The following PRUNE2 variants were observed in gnomAD, a reference collection of about 807,000 sequenced individuals.
PRUNE2 encodes the protein protein prune homolog 2.
A neutral mutation model predicts 252.0 loss-of-function variants in PRUNE2; 164 were observed. That is an observed-to-expected ratio of 0.65 (90% CI 0.57 to 0.74). PRUNE2 has a LOEUF of 0.74. PRUNE2 is among the 30% of genes least tolerant of loss of function. PRUNE2 has a pLI of 0.00. For synonymous variants in PRUNE2, 1,292 were observed against 1,350.2 expected, an observed-to-expected ratio of 0.96 and a Z score of 0.94; for missense variants, 3,495 against 3,711.0, an observed-to-expected ratio of 0.94 and a Z score of 1.51.
chr9:76,891,884 A>G (rs1234681866), intron 1 of PRUNE2, among the ~76,000 whole-genome samples: 5 of 152,194 alleles, frequency 3.3e-5, no homozygotes, highest in Admixed American at 6.5e-5. Flanking sequence ...CATAAATATA[A>G]TAACATGAAC....
intron 9 of PRUNE2, among the ~76,000 whole-genome samples, chr9:76,679,479 A>C (rs1318607033): frequency 6.6e-6 from 1 of 152,192 alleles, no homozygotes; most frequent in East Asian, 1.9e-4. Context: ...TAATCAAAAC[A>C]GTATAGTACT....
intron 4 of PRUNE2, among the ~76,000 whole-genome samples, chr9:76,833,291 T>C (rs1340414011): frequency 6.6e-6 from 1 of 151,976 alleles, no homozygotes; most frequent in East Asian, 1.9e-4. Flanking sequence ...AAATTAACAT[T>C]CAAAAAGCAA....
intron 6 of PRUNE2, among the ~76,000 whole-genome samples, chr9:76,762,345 T>C (rs2051814153): frequency 6.6e-6 from 1 of 152,208 alleles, no homozygotes; most frequent in African/African-American, 2.4e-5. Context: ...CAAAGTCATT[T>C]CCGGATAACC....
chr9:76,703,375 C>T lies in PRUNE2; in HGVS notation c.8238G>A (p.Glu2746=), dbSNP rs1311403970. Residue 2746 remains glutamate (E), a synonymous_variant, in exon 9 of 19, where the codon GAG becomes GAA. Coordinates refer to ENST00000376718, the MANE Select transcript of PRUNE2 (RefSeq NM_015225.3). ...ATATCCTGGTTCCGAGCTCAAGGAA[C>T]TCTGTCTCCTCCTCCATTTCCGTGT... ...IPDTEMEEET[E]FLELGTRISR... is the part of the protein sequence containing the mutation. 3 of 1,608,038 alleles carry T rather than the reference C, an allele frequency of 1.9e-6. No homozygotes were observed. Among genetic ancestry groups the T allele is most frequent in the African/African-American group, 2.7e-5 (2 of 74,788 alleles).
Position 76,709,630 on chromosome 9 carries a change from G to A in PRUNE2, c.2644C>T (p.Pro882Ser), listed in dbSNP as rs1481573737. Residue 882 changes from proline to serine, a missense_variant, in exon 8 of 19, where the codon CCC becomes TCC. Transcript: ENST00000376718. ...SRDHIFAPGN[P>S]SSDLDHTWTN... ...CATGTGTGATCCAGATCAGAACTGGGATTTCCAGGTGCAAAGATGTGATCC... is the reference window on the plus strand; with the variant it reads ...CATGTGTGATCCAGATCAGAACTGGAATTTCCAGGTGCAAAGATGTGATCC... 3 of 1,613,878 alleles carry A rather than the reference G, an allele frequency of 1.9e-6. No individual in the cohort carries two copies. The highest frequency in any genetic ancestry group is 2.7e-5 in the African/African-American group (2 of 74,914).
intron 9 of PRUNE2, among the ~76,000 whole-genome samples, chr9:76,683,207 C>T (rs967432271): frequency 2.0e-4 from 30 of 152,160 alleles, no homozygotes; most frequent in African/African-American, 7.2e-4. Context: ...ATTGGTTCCA[C>T]GAATAAGCAC....
chr9:76,623,364 G>A (rs979147456), intron 17 of PRUNE2, among the ~76,000 whole-genome samples: 13 of 150,380 alleles, frequency 8.6e-5, no homozygotes, highest in East Asian at 5.9e-4. Flanking sequence ...GCATGATCTC[G>A]GCTCACTGCA....
intron 6 of PRUNE2, among the ~76,000 whole-genome samples, chr9:76,795,879 G>T (rs2131473034): frequency 6.6e-6 from 1 of 152,220 alleles, no homozygotes; most frequent in African/African-American, 2.4e-5. Context: ...CTTCTGCCTG[G>T]ACATTGACTT....
At chr9:76,886,822 T>C (rs1199952740) in intron 1 of PRUNE2, among the ~76,000 whole-genome samples, 2 of 152,218 alleles carry the variant, frequency 1.3e-5, no homozygotes, top group Admixed American at 1.3e-4. Context: ...TTATTTATCT[T>C]AATAAATACA....
intron 2 of PRUNE2, among the ~76,000 whole-genome samples, chr9:76,851,665 G>A (rs1001936982): frequency 1.3e-5 from 2 of 152,080 alleles, no homozygotes; most frequent in African/African-American, 2.4e-5. Flanking sequence ...AATTCAGAAC[G>A]TCAGTCAGTA....
At chr9:76,782,155 A>C (rs2054484273) in intron 6 of PRUNE2, among the ~76,000 whole-genome samples, 1 of 152,138 alleles carries the variant, frequency 6.6e-6, no homozygotes. Flanking sequence ...TGGAGCTTGC[A>C]GTGAGCCAAG....
At chr9:76,679,885 C>A (rs555175201) in intron 9 of PRUNE2, among the ~76,000 whole-genome samples, 2 of 152,214 alleles carry the variant, frequency 1.3e-5, no homozygotes, top group South Asian at 4.1e-4. Context: ...GCAATAAAAA[C>A]ATAAGACCCA....
rs145440894 is a variant in PRUNE2, at chr9:76,781,235, C to A, written c.756+42397G>T. Among the ~76,000 whole-genome samples the A allele has an allele frequency of 3.3e-5, 5 of 152,228 alleles. No homozygotes were observed. The East Asian group carries it at 7.7e-4, about 24-fold the overall frequency. Reference sequence around the variant, plus strand: ...ATTAACTCTTTGCCACATCCCTATCCTTTTTATAATCCTCCAGTGGCTTCC... The same window carrying A: ...ATTAACTCTTTGCCACATCCCTATCATTTTTATAATCCTCCAGTGGCTTCC... On this transcript the variant is annotated intron_variant, in intron 6 of 18. Transcript: ENST00000376718.
chr9:76,884,456 G>T (rs2061974124), intron 1 of PRUNE2, among the ~76,000 whole-genome samples: 1 of 152,154 alleles, frequency 6.6e-6, no homozygotes, highest in African/African-American at 2.4e-5. Flanking sequence ...TATTTTAACA[G>T]ATGAGAAAAC....
intron 9 of PRUNE2, chr9:76,692,457 A>C: frequency 7.2e-6 from 2 of 276,370 alleles, no homozygotes; most frequent in Non-Finnish European, 1.3e-5. Flanking sequence ...TTCTCTTGAA[A>C]CCTCTTTTTA....
chr9:76,706,368 T>C lies in PRUNE2; in HGVS notation c.5906A>G (p.His1969Arg), dbSNP rs1381143316. 1 of 1,613,948 alleles carries C rather than the reference T, an allele frequency of 6.2e-7. No homozygotes were observed. The highest frequency in any genetic ancestry group is 1.3e-5 in the African/African-American group (1 of 74,940). The change falls in exon 8 of 19, where the codon CAT (histidine) becomes CGT (arginine). Residue 1969 changes from histidine to arginine, a missense_variant. By Grantham distance (29) the His-to-Arg change is conservative. Transcript: ENST00000376718. ...TGCGTGAGTAAAGGCTGTGTCCGGATGATCACAGACTGGCAGCATGGTGTC... is the reference window on the plus strand; with the variant it reads ...TGCGTGAGTAAAGGCTGTGTCCGGACGATCACAGACTGGCAGCATGGTGTC... ...CQDTMLPVCD[H>R]PDTAFTHAEE...
chr9:76,830,114 G>A (rs1184680304), intron 4 of PRUNE2, among the ~76,000 whole-genome samples: 4 of 152,130 alleles, frequency 2.6e-5, no homozygotes, highest in Admixed American at 6.5e-5. Flanking sequence ...TTAGATGCAT[G>A]GGGGAAAAGA....
Position 76,850,673 on chromosome 9 carries a change from G to A in PRUNE2, c.142-8C>T. 1.3e-6 allele frequency: 2 copies of A among 1,594,598 alleles called. No homozygotes were observed. The highest frequency in any genetic ancestry group is 1.7e-5 in the Admixed American group (1 of 57,918). ...AACCCCTGGTGGACTGACCTACCAA[G>A]AAAAAAGTTGACTGAATTACTGAAA... On this transcript the variant is annotated splice_polypyrimidine_tract_variant and splice_region_variant and intron_variant, in intron 2 of 18. Transcript: ENST00000376718.
In PRUNE2 at chr9:76,705,661, C is replaced by T. The variant is rs769314565; in HGVS notation, c.6613G>A (p.Val2205Ile). Residue 2205 changes from valine (V) to isoleucine (I), a missense_variant, in exon 8 of 19, where the codon GTA becomes ATA. By Grantham distance (29) the Val-to-Ile change is conservative (BLOSUM62 3). Coordinates refer to ENST00000376718, the MANE Select transcript of PRUNE2 (RefSeq NM_015225.3). ...INGDNSTGLQ[V>I]SEKGASPDMA... Reference sequence around the variant, plus strand: ...TCTGGGCTGGCTCCTTTTTCTGATACTTGTAAACCTGTACTGTTGTCACCG... The same window carrying T: ...TCTGGGCTGGCTCCTTTTTCTGATATTTGTAAACCTGTACTGTTGTCACCG... 1 of 1,613,892 alleles carries T rather than the reference C, an allele frequency of 6.2e-7. No individual in the cohort carries two copies. Among genetic ancestry groups the T allele is most frequent in the African/African-American group, 1.3e-5 (1 of 74,936 alleles).
Sources: gnomAD v4.1 joint callset for allele counts (sites outside exome capture counted in the v4.1 genomes callset) on GRCh38, gnomAD v4.1.1 for gene constraint, MANE v1.5 for transcripts, NCBI Gene and HGNC (gene_info 2026-07-23, HGNC 2026-07-21) for gene names.